AGBL1: variants seen among roughly 807,000 people sequenced by gnomAD.
The protein encoded by AGBL1 is AGBL carboxypeptidase 1, also known as cytosolic carboxypeptidase 4.
A neutral mutation model predicts 118.9 loss-of-function variants in AGBL1; 130 were observed. The observed-to-expected ratio is 1.09, with a 90% CI of 0.95 to 1.26. AGBL1 has a LOEUF of 1.26. Ranked by LOEUF, AGBL1 falls within the 50% of genes most tolerant of loss-of-function variation. The pLI, the probability that AGBL1 is intolerant of heterozygous loss-of-function variation, is 0.00. For missense variants in AGBL1, 1,584 were observed against 1,298.1 expected, an observed-to-expected ratio of 1.22 and a Z score of -3.38; for synonymous variants, 555 against 478.9, an observed-to-expected ratio of 1.16 and a Z score of -2.08.
chr15:86,488,719 A>T (rs1438223763), intron 18 of AGBL1, among the ~76,000 whole-genome samples: 1 of 151,832 alleles, frequency 6.6e-6, no homozygotes, highest in African/African-American at 2.4e-5. Context: ...CTTGCTTCAA[A>T]CAGCTCCTAC....
At chr15:86,858,690 G>GTAA (rs1219649349) in intron 22 of AGBL1, among the ~76,000 whole-genome samples, 6 of 152,278 alleles carry the variant, frequency 3.9e-5, no homozygotes, top group Non-Finnish European at 7.4e-5. Context: ...ACAGGGACAG[G>GTAA]CTCAAGAACA....
At chr15:86,255,608 C>A (rs896290753) in intron 7 of AGBL1, among the ~76,000 whole-genome samples, 3 of 152,140 alleles carry the variant, frequency 2.0e-5, no homozygotes, top group African/African-American at 7.2e-5. Flanking sequence ...CATGGGGAAA[C>A]CCCGTCTCTA....
intron 21 of AGBL1, among the ~76,000 whole-genome samples, chr15:86,560,773 C>G (rs2083806872): frequency 6.6e-6 from 1 of 152,164 alleles, no homozygotes; most frequent in Non-Finnish European, 1.5e-5. Flanking sequence ...AAAACAGTTC[C>G]TATTTCTCCA....
chr15:86,393,602 G>A (rs1300001446), intron 17 of AGBL1, among the ~76,000 whole-genome samples: 1 of 152,166 alleles, frequency 6.6e-6, no homozygotes, highest in Admixed American at 6.6e-5. Context: ...AACCAACTGT[G>A]AGCAAATGAT....
chr15:86,363,396 G>T (rs1298021280), intron 17 of AGBL1, among the ~76,000 whole-genome samples: 2 of 152,022 alleles, frequency 1.3e-5, no homozygotes, highest in Non-Finnish European at 2.9e-5. Context: ...AATTTCTCAT[G>T]ATTATAAGCC....
Position 86,689,697 on chromosome 15 carries a change from A to C in AGBL1, c.3158+15261A>C, listed in dbSNP as rs145804907. Among the ~76,000 whole-genome samples, 121 of 152,208 alleles carry C rather than the reference A, an allele frequency of 7.9e-4. 2 individuals are homozygous for C. The East Asian group carries it at 0.022, about 27-fold the overall frequency. ...CCTATTAGAGAACTTTTATGTATTA[A>C]AAAAAATTAGCTGTAACTATAGAAA... On this transcript the variant is annotated intron_variant, in intron 22 of 22. Coordinates refer to ENST00000614907, the MANE Select transcript of AGBL1 (RefSeq NM_001386094.1).
At chr15:86,244,786 T>G (rs1169972460) in intron 6 of AGBL1, among the ~76,000 whole-genome samples, 2 of 152,200 alleles carry the variant, frequency 1.3e-5, no homozygotes, top group Non-Finnish European at 2.9e-5. Context: ...GGGGCCCCTG[T>G]GAACTGTTGT....
chr15:86,983,668 G>T (rs1057046191), intron 23 of AGBL1, among the ~76,000 whole-genome samples: 5 of 152,270 alleles, frequency 3.3e-5, no homozygotes, highest in South Asian at 2.1e-4. Context: ...ACCTCCAAAA[G>T]GTTCCCATGC....
chr15:86,711,590 T>A (rs190529138), intron 22 of AGBL1, among the ~76,000 whole-genome samples: 7 of 152,314 alleles, frequency 4.6e-5, no homozygotes, highest in Non-Finnish European at 1.0e-4. Flanking sequence ...GCTAGCTTAG[T>A]GTAGGCACCC....
chr15:86,485,980 A>G (rs2082707668), intron 18 of AGBL1, among the ~76,000 whole-genome samples: 3 of 151,960 alleles, frequency 2.0e-5, no homozygotes, highest in African/African-American at 2.4e-5. Flanking sequence ...ATTGCAGAGC[A>G]GCTAAGAGGC....
At chr15:86,505,630 T>C (rs939415939) in intron 18 of AGBL1, among the ~76,000 whole-genome samples, 1 of 152,042 alleles carries the variant, frequency 6.6e-6, no homozygotes, top group African/African-American at 2.4e-5. Context: ...ATTTTTGTTT[T>C]TTAATGATAG....
intron 22 of AGBL1, among the ~76,000 whole-genome samples, chr15:86,894,362 T>C (rs1470692526): frequency 6.6e-6 from 1 of 152,148 alleles, no homozygotes; most frequent in Non-Finnish European, 1.5e-5. Flanking sequence ...TTGCTGAAGT[T>C]ATTGTAACCA....
chr15:86,617,836 C>A (rs1459291283), intron 21 of AGBL1, among the ~76,000 whole-genome samples: 1 of 151,674 alleles, frequency 6.6e-6, no homozygotes, highest in African/African-American at 2.4e-5. Flanking sequence ...TCTTAAAATG[C>A]AAGTACTTCA....
chr15:86,675,631 G>A (rs756704611), intron 22 of AGBL1, among the ~76,000 whole-genome samples: 3 of 152,166 alleles, frequency 2.0e-5, no homozygotes, highest in South Asian at 2.1e-4. Context: ...GGCTTCGTGT[G>A]TTTGGTATCT....
chr15:86,986,427 C>T (rs1033573486), intron 23 of AGBL1, among the ~76,000 whole-genome samples: 4 of 152,240 alleles, frequency 2.6e-5, no homozygotes, highest in Non-Finnish European at 4.4e-5. Context: ...CTTTATAATA[C>T]GTTTTGAAAT....
chr15:86,254,404 A>T (rs984141152), intron 7 of AGBL1, among the ~76,000 whole-genome samples: 2 of 152,368 alleles, frequency 1.3e-5, no homozygotes, highest in South Asian at 4.1e-4. Context: ...TTAGTCCAGG[A>T]TTTAAACTCA....
At chr15:86,332,112 A>G (rs2080280166) in intron 17 of AGBL1, among the ~76,000 whole-genome samples, 1 of 152,170 alleles carries the variant, frequency 6.6e-6, no homozygotes, top group African/African-American at 2.4e-5. Flanking sequence ...AAAAGCAGGG[A>G]TTGCTATTCT....
intron 2 of AGBL1, among the ~76,000 whole-genome samples, chr15:86,142,815 C>T (rs1366845510): frequency 6.6e-6 from 1 of 152,196 alleles, no homozygotes; most frequent in Non-Finnish European, 1.5e-5. Context: ...TGGGATAGTG[C>T]TGTCTTACAT....
chr15:86,267,996 C>G (rs1055035134), intron 13 of AGBL1, among the ~76,000 whole-genome samples: 3 of 152,176 alleles, frequency 2.0e-5, no homozygotes, highest in African/African-American at 7.2e-5. Flanking sequence ...GAACAATAAT[C>G]GCACCTACTA....
Sources: allele counts gnomAD v4.1 joint callset (sites outside exome capture counted in the v4.1 genomes callset), GRCh38; gene constraint gnomAD v4.1.1; transcripts MANE v1.5; gene names NCBI Gene and HGNC (gene_info 2026-07-23, HGNC 2026-07-21).